The following UBALD1 variants were observed in gnomAD, a reference collection of about 807,000 sequenced individuals.
UBALD1 encodes the protein UBA-like domain-containing protein 1.
In UBALD1, 5 loss-of-function variants were observed where a neutral mutation model predicts 16.1. That is an observed-to-expected ratio of 0.31 (90% CI 0.16 to 0.66). The LOEUF is 0.66. UBALD1 is among the 30% of genes least tolerant of loss of function. UBALD1 has a pLI of 0.77. For missense variants in UBALD1, 220 were observed against 252.8 expected (o/e 0.87, Z 0.88); for synonymous variants, 146 against 105.3 (o/e 1.39, Z -2.37).
chr16:4,609,692 C>A lies in UBALD1; in HGVS notation c.475G>T (p.Ala159Ser). The A allele has an allele frequency of 6.8e-7, 1 of 1,477,122 alleles. No homozygotes were observed. Among genetic ancestry groups the A allele is most frequent in the Non-Finnish European group, 9.0e-7 (1 of 1,116,042 alleles). 91.5% of individuals were successfully genotyped at this position (1,477,122 alleles called of 1,614,324 possible). A position where few individuals can be genotyped will look rare whatever the true frequency, so the allele number is the denominator to read the frequency against. ...GGTTCTGAGGTGGCCTGTTGGGGGGCCAGGGGTGGCCAGTCTGAAGCCGGA... is the reference window on the plus strand; with the variant it reads ...GGTTCTGAGGTGGCCTGTTGGGGGGACAGGGGTGGCCAGTCTGAAGCCGGA... Reference protein sequence around the residue: ...PSPASDWPPLAPQQATSEPRA... With the variant: ...PSPASDWPPLSPQQATSEPRA... The change falls in exon 3 of 3, where the codon GCC becomes TCC. Residue 159 changes from alanine (A) to serine (S), a missense_variant. This residue lies in a region of UBALD1 where 151 missense variants were observed against 132.6 expected (regional missense o/e 1.14). Transcript: ENST00000283474.
intron 1 of UBALD1, among the ~76,000 whole-genome samples, chr16:4,613,782 A>G (rs933815698): frequency 5.3e-5 from 8 of 152,288 alleles, no homozygotes; most frequent in South Asian, 2.1e-4. Flanking sequence ...CTACTGTCCT[A>G]TGGGTTAGGA....
intron 1 of UBALD1, 138 bp downstream of exon 1, chr16:4,614,540 C>T: frequency 2.3e-6 from 3 of 1,306,406 alleles, no homozygotes; most frequent in Non-Finnish European, 9.9e-7. Flanking sequence ...GCACCGCCGT[C>T]GGGAAAGCGG....
intron 1 of UBALD1, chr16:4,610,955 G>A: frequency 5.0e-6 from 2 of 397,866 alleles, no homozygotes; most frequent in East Asian, 7.3e-5. Flanking sequence ...CCCGTTTCAG[G>A]AGATTCTAGC....
At position 4,614,775 on chromosome 16, in the gene UBALD1, A is replaced by G; in HGVS notation, c.23T>C (p.Leu8Pro). Residue 8 changes from leucine to proline, a missense_variant, in exon 1 of 3, where the codon CTC becomes CCC. By Grantham distance (98) the Leu-to-Pro change is moderately conservative. Transcript: ENST00000283474. MSVNMDE[L>P]KHQVMINQFV... ...CTGGTTGATCATGACCTGGTGCTTGAGCTCGTCCATGTTCACGGACATGGC... is the reference window on the plus strand; with the variant it reads ...CTGGTTGATCATGACCTGGTGCTTGGGCTCGTCCATGTTCACGGACATGGC... 1 of 1,536,430 alleles carries G rather than the reference A, an allele frequency of 6.5e-7. No homozygotes were observed. Among genetic ancestry groups the G allele is most frequent in the Non-Finnish European group, 8.7e-7 (1 of 1,143,724 alleles).
intron 1 of UBALD1, 144 bp downstream of exon 1, chr16:4,614,534 C>A: frequency 1.5e-6 from 2 of 1,293,912 alleles, no homozygotes; most frequent in South Asian, 1.8e-5. Flanking sequence ...CGCCGGGCAC[C>A]GCCGTCGGGA....
chr16:4,611,863 G>A (rs1897362048), intron 1 of UBALD1, among the ~76,000 whole-genome samples: 1 of 152,096 alleles, frequency 6.6e-6, no homozygotes, highest in African/African-American at 2.4e-5. Flanking sequence ...AAGTATTTGA[G>A]GGGTTCTCGG....
In UBALD1 at chr16:4,614,888, C is replaced by G. The variant is rs529262199; in HGVS notation, c.-91G>C. 3 of 1,279,108 alleles carry G rather than the reference C, an allele frequency of 2.3e-6. No individual in the cohort carries two copies. Among genetic ancestry groups the G allele is most frequent in the Non-Finnish European group, 3.0e-6 (3 of 986,236 alleles). The allele number at this position is 1,279,108 out of a possible 1,614,324, so 79.2% of individuals were successfully genotyped here. A position where few individuals can be genotyped will look rare whatever the true frequency, so the allele number is the denominator to read the frequency against. ...ATTAGCGAGCCGGCTCCGGCTAATACAAATATTTACTGTGCGGCTCTGACT... is the reference window on the plus strand; with the variant it reads ...ATTAGCGAGCCGGCTCCGGCTAATAGAAATATTTACTGTGCGGCTCTGACT... On this transcript the variant is annotated 5_prime_UTR_variant, in exon 1 of 3. Transcript: ENST00000283474.
rs1181678420 is a variant in UBALD1, at chr16:4,609,967, T to C, written c.200A>G (p.Asn67Ser). 6.3e-7 allele frequency: 1 copy of C among 1,578,072 alleles called. No individual in the cohort carries two copies. The highest frequency in any genetic ancestry group is 1.2e-5 in the South Asian group (1 of 86,464). The change falls in exon 3 of 3, where the codon AAT (asparagine) becomes AGT (serine). Residue 67 changes from asparagine (N) to serine (S), a missense_variant. Transcript: ENST00000283474. ...HHHQMMCTPA[N>S]TPATPPNFPD... ...GAAGTTGGGGGGTGTAGCAGGGGTA[T>C]TGGCGGGGGTGCACATCTGTGAGGG...
chr16:4,614,602 C>T (rs763397051), intron 1 of UBALD1, 76 bp downstream of exon 1: 13 of 1,285,580 alleles, frequency 1.0e-5, no homozygotes, highest in Non-Finnish European at 1.3e-5. Context: ...TCCACGCCGT[C>T]CGCCCCCGCC....
At chr16:4,614,472 G>T (rs761249770) in intron 1 of UBALD1, 3 of 776,310 alleles carry the variant, frequency 3.9e-6, no homozygotes, top group South Asian at 2.9e-5. Context: ...GCGTATCCCC[G>T]ACCGGTGGCC....
intron 1 of UBALD1, chr16:4,614,078 C>G (rs1050335986): frequency 1.2e-5 from 2 of 160,848 alleles, no homozygotes; most frequent in African/African-American, 2.4e-5. Context: ...CATCTGCACA[C>G]CCGCCACATG....
At position 4,609,643 on chromosome 16, in the gene UBALD1, G is replaced by A. The variant is rs199798540; in HGVS notation, c.524C>T (p.Ala175Val). 9.2e-6 allele frequency: 13 copies of A among 1,407,844 alleles called. No homozygotes were observed. In the Admixed American group the frequency reaches 1.1e-4, roughly 12 times the overall value. The allele number at this position is 1,407,844 out of a possible 1,614,324, so 87.2% of individuals were successfully genotyped here. A position where few individuals can be genotyped will look rare whatever the true frequency, so the allele number is the denominator to read the frequency against. ...SEPRAHPAME[A>V]ER Reference sequence around the variant, plus strand: ...GGGGAGGGGCCTCCCTTATCTCTCTGCCTCCATGGCAGGGTGGGCCCTGGG... The same window carrying A: ...GGGGAGGGGCCTCCCTTATCTCTCTACCTCCATGGCAGGGTGGGCCCTGGG... The change falls in exon 3 of 3, where the codon GCA (alanine) becomes GTA (valine). Residue 175 changes from alanine to valine, a missense_variant. By Grantham distance (64) the Ala-to-Val change is moderately conservative (BLOSUM62 0). This residue lies in a region of UBALD1 where 151 missense variants were observed against 132.6 expected (regional missense o/e 1.14). Transcript: ENST00000283474.
Position 4,614,834 on chromosome 16 carries a change from C to T in UBALD1, c.-37G>A, listed in dbSNP as rs1377607939. On this transcript the variant is annotated 5_prime_UTR_variant, in exon 1 of 3. Transcript: ENST00000283474. ...GCTGCCCGCTCCGGCCTCCCTCCTCCGCCCGCGCCTCCGCCTCACGCGTCC... is the reference window on the plus strand; with the variant it reads ...GCTGCCCGCTCCGGCCTCCCTCCTCTGCCCGCGCCTCCGCCTCACGCGTCC... The T allele has an allele frequency of 6.8e-7, 1 of 1,460,428 alleles. No individual in the cohort carries two copies. Among genetic ancestry groups the T allele is most frequent in the Non-Finnish European group, 9.0e-7 (1 of 1,105,440 alleles). The allele number at this position is 1,460,428 out of a possible 1,614,324, so 90.5% of individuals were successfully genotyped here.
chr16:4,614,334 C>T (rs1897395359), intron 1 of UBALD1: 2 of 367,106 alleles, frequency 5.4e-6, no homozygotes, highest in Non-Finnish European at 9.7e-6. Flanking sequence ...GGGGCGTCCT[C>T]CTTCCGGCCG....
At chr16:4,611,375 A>C (rs1897355974) in intron 1 of UBALD1, 1 of 152,378 alleles carries the variant, frequency 6.6e-6, no homozygotes, top group African/African-American at 2.4e-5. Flanking sequence ...GACAGCTCCC[A>C]GCACAGCTCC....
intron 1 of UBALD1, among the ~76,000 whole-genome samples, chr16:4,611,684 T>G (rs1304258885): frequency 6.6e-6 from 1 of 152,188 alleles, no homozygotes; most frequent in East Asian, 1.9e-4. Context: ...CCCTTTCCTG[T>G]GTGTGTCAGC....
intron 2 of UBALD1, 94 bp from the exon 3 acceptor site, chr16:4,610,077 C>T (rs553557776): frequency 2.2e-5 from 22 of 1,001,642 alleles, no homozygotes; most frequent in Non-Finnish European, 3.1e-5. Context: ...GGCCCATTCT[C>T]GGAAGGCTCT....
intron 1 of UBALD1, among the ~76,000 whole-genome samples, chr16:4,613,104 C>G (rs841186): frequency 0.96 from 146,310 of 152,160 alleles, 70,583 homozygotes; most frequent in East Asian, 1. Context: ...CCCCAGGCAG[C>G]GAGGGAACCC....
In UBALD1 at chr16:4,609,530, G is replaced by A; in HGVS notation, c.*103C>T. 6.0e-6 allele frequency: 3 copies of A among 501,770 alleles called. No individual in the cohort carries two copies. Among genetic ancestry groups the A allele is most frequent in the Non-Finnish European group, 9.7e-6 (3 of 309,770 alleles). 31.1% of individuals were successfully genotyped at this position (501,770 alleles called of 1,614,324 possible). On this transcript the variant is annotated 3_prime_UTR_variant, in exon 3 of 3. Coordinates refer to ENST00000283474, the MANE Select transcript of UBALD1 (RefSeq NM_145253.3). ...CGCGCTCTCCCCTCCAGGGCTCCGG[G>A]GAACAAGGGGTGCAGACAGAAAAGG...
Sources: allele counts gnomAD v4.1 joint callset (sites outside exome capture counted in the v4.1 genomes callset), GRCh38; gene constraint gnomAD v4.1.1; regional missense constraint gnomAD v4.1.1; transcripts MANE v1.5; gene names NCBI Gene and HGNC (gene_info 2026-07-23, HGNC 2026-07-21).